The following IPO8 variants were observed in gnomAD, a reference collection of about 807,000 sequenced individuals.
IPO8 encodes importin 8.
IPO8 carries 65 observed loss-of-function variants against 141.2 expected under a neutral mutation model. The ratio of observed to expected loss-of-function variants is 0.46; its 90% CI spans 0.38 to 0.57. The LOEUF is 0.57. Among genes scored for constraint, IPO8 ranks in the 20% least tolerant of loss-of-function variants. The pLI, the probability that IPO8 is intolerant of heterozygous loss-of-function variation, is 0.00. For missense variants in IPO8, 980 were observed against 1,246.8 expected (o/e 0.79, Z 3.22); for synonymous variants, 411 against 420.3 (o/e 0.98, Z 0.27).
chr12:30,643,730 G>A (rs1191409757), intron 20 of IPO8, among the ~76,000 whole-genome samples: 1 of 152,200 alleles, frequency 6.6e-6, no homozygotes, highest in Admixed American at 6.5e-5. Flanking sequence ...GACACCCCTG[G>A]GTTTTGCCCC....
chr12:30,642,963 A>C (rs1435934971), intron 20 of IPO8, among the ~76,000 whole-genome samples: 1 of 152,224 alleles, frequency 6.6e-6, no homozygotes, highest in African/African-American at 2.4e-5. Context: ...AGGATACTAA[A>C]AATTTTTAAA....
chr12:30,659,989 G>C (rs544515775), intron 16 of IPO8, among the ~76,000 whole-genome samples: 1 of 152,274 alleles, frequency 6.6e-6, no homozygotes, highest in African/African-American at 2.4e-5. Flanking sequence ...TTGGGAGGCT[G>C]AAGCGGGTGG....
chr12:30,652,074 T>C, intron 19 of IPO8, 118 bp downstream of exon 19: 1 of 550,986 alleles, frequency 1.8e-6, no homozygotes, highest in Non-Finnish European at 3.2e-6. Flanking sequence ...AAAAAATATA[T>C]GTTGATGAAG....
chr12:30,665,286 C>T lies in IPO8; in HGVS notation c.1362G>A (p.Met454Ile). The change falls in exon 13 of 25, where the codon ATG becomes ATA. Residue 454 changes from methionine to isoleucine, a missense_variant. Coordinates refer to ENST00000256079, the MANE Select transcript of IPO8 (RefSeq NM_006390.4). ...ATACATGATTTTGTAGAAACAGCTC[C>T]ATTTGGTCCTTGAATAAACTCTTCT... ...LLKKSLFKDQMELFLQNHVFP... is the reference protein window; with the variant it reads ...LLKKSLFKDQIELFLQNHVFP... 1 of 1,594,642 alleles carries T rather than the reference C, an allele frequency of 6.3e-7. No individual in the cohort carries two copies. Among genetic ancestry groups the T allele is most frequent in the Non-Finnish European group, 8.6e-7 (1 of 1,165,936 alleles).
intron 19 of IPO8, among the ~76,000 whole-genome samples, chr12:30,651,566 T>C (rs1354786813): frequency 6.6e-6 from 1 of 151,504 alleles, no homozygotes; most frequent in Non-Finnish European, 1.5e-5. Flanking sequence ...CATATTTATG[T>C]GTGTGTGTGT....
In IPO8 at chr12:30,637,202, G is replaced by GAA. The variant is rs545861188; in HGVS notation, c.2490-17_2490-16dup. 10 of 1,463,716 alleles carry GAA rather than the reference G, an allele frequency of 6.8e-6. No individual in the cohort carries two copies. Among genetic ancestry groups the GAA allele is most frequent in the Admixed American group, 2.0e-5 (1 of 49,124 alleles). 90.7% of individuals were successfully genotyped at this position (1,463,716 alleles called of 1,614,324 possible). A position where few individuals can be genotyped will look rare whatever the true frequency, so the allele number is the denominator to read the frequency against. On this transcript the variant is annotated splice_polypyrimidine_tract_variant and intron_variant, in intron 21 of 24. Transcript: ENST00000256079. ...GGTCATGATGCCTGCAAATTTTGAA[G>GAA]AAAAAAAAAATGTAGACATGAGAAG...
intron 1 of IPO8, among the ~76,000 whole-genome samples, chr12:30,692,827 T>C (rs1337331449): frequency 1.3e-5 from 2 of 152,138 alleles, no homozygotes; most frequent in Admixed American, 1.3e-4. Context: ...TCCAACTCTC[T>C]ACTCAATGCC....
In IPO8 at chr12:30,639,683, T is replaced by C; in HGVS notation, c.2321A>G (p.Lys774Arg). The C allele has an allele frequency of 6.2e-7, 1 of 1,614,132 alleles. No homozygotes were observed. Among genetic ancestry groups the C allele is most frequent in the South Asian group, 1.1e-5 (1 of 91,082 alleles). ...ACACATAGTACGAAGCTCACTAGTT[T>C]TGACCCCTCGAGTTAATCTCTCCAA... ...LVLERLTRGV[K>R]TSELRTMCLQ... The change falls in exon 21 of 25, where the codon AAA (lysine) becomes AGA (arginine). Residue 774 changes from lysine (K) to arginine (R), a missense_variant. This residue lies in a region of IPO8 where 924 missense variants were observed against 1,153.9 expected (regional missense o/e 0.80). Transcript: ENST00000256079.
At chr12:30,672,147 GT>G (rs1171441119) in intron 8 of IPO8, among the ~76,000 whole-genome samples, 2 of 152,128 alleles carry the variant, frequency 1.3e-5, no homozygotes, top group African/African-American at 4.8e-5. Context: ...CTTCACTACA[GT>G]AAGTTGCCTT....
chr12:30,672,046 AT>A (rs983670896), intron 8 of IPO8, among the ~76,000 whole-genome samples: 3 of 152,072 alleles, frequency 2.0e-5, no homozygotes, highest in African/African-American at 7.2e-5. Flanking sequence ...TTAAAAACTG[AT>A]TTTTTAAAAA....
chr12:30,660,613 A>G (rs1156407911), intron 16 of IPO8, among the ~76,000 whole-genome samples: 2 of 152,240 alleles, frequency 1.3e-5, no homozygotes, highest in African/African-American at 4.8e-5. Flanking sequence ...CTAGATAAAT[A>G]GCTGTATAAA....
At chr12:30,651,912 A>G (rs2052732190) in intron 19 of IPO8, among the ~76,000 whole-genome samples, 1 of 152,162 alleles carries the variant, frequency 6.6e-6, no homozygotes, top group South Asian at 2.1e-4. Flanking sequence ...ACGTGTGGTT[A>G]ATTTTCCTAG....
intron 16 of IPO8, among the ~76,000 whole-genome samples, chr12:30,659,630 T>C (rs1457342712): frequency 6.6e-6 from 1 of 151,298 alleles, no homozygotes; most frequent in Non-Finnish European, 1.5e-5. Context: ...GGTGGGCGGA[T>C]CACGAGGTCA....
intron 3 of IPO8, among the ~76,000 whole-genome samples, chr12:30,683,780 C>T (rs1304269458): frequency 6.6e-6 from 1 of 152,212 alleles, no homozygotes; most frequent in African/African-American, 2.4e-5. Flanking sequence ...TACTGCTCTA[C>T]AGCATCTAAT....
Position 30,684,229 on chromosome 12 carries a change from T to A in IPO8, c.323+72A>T, listed in dbSNP as rs2053217082. 5 of 1,394,846 alleles carry A rather than the reference T, an allele frequency of 3.6e-6. No homozygotes were observed. In the South Asian group the frequency reaches 6.6e-5, roughly 18 times the overall value. 86.4% of individuals were successfully genotyped at this position (1,394,846 alleles called of 1,614,324 possible). A position where few individuals can be genotyped will look rare whatever the true frequency, so the allele number is the denominator to read the frequency against. ...ATGAAACATGAGGCCAAGGATTAGA[T>A]CCAACAGCACCCACCCTCAGATCTA... On this transcript the variant is annotated intron_variant, in intron 3 of 24. Coordinates refer to ENST00000256079, the MANE Select transcript of IPO8 (RefSeq NM_006390.4).
intron 2 of IPO8, among the ~76,000 whole-genome samples, chr12:30,689,167 G>A (rs1417851380): frequency 6.6e-6 from 1 of 152,034 alleles, no homozygotes; most frequent in African/African-American, 2.4e-5. Context: ...CAAAGCTGAT[G>A]GCAGTCATCT....
At chr12:30,680,662 G>C (rs375953413) in intron 4 of IPO8, 24 bp from the exon 5 acceptor site, 1 of 1,570,922 alleles carries the variant, frequency 6.4e-7, no homozygotes, top group African/African-American at 1.4e-5. Context: ...GACAAAAACA[G>C]AAAAGTAATT....
At chr12:30,644,161 A>C (rs2052609535) in intron 20 of IPO8, among the ~76,000 whole-genome samples, 1 of 152,110 alleles carries the variant, frequency 6.6e-6, no homozygotes, top group Admixed American at 6.5e-5. Flanking sequence ...TGAAGCCAGG[A>C]GTTAGAGAGC....
chr12:30,632,105 C>T (rs2052441059), intron 23 of IPO8, 94 bp from the exon 24 acceptor site: 2 of 788,870 alleles, frequency 2.5e-6, no homozygotes, highest in Admixed American at 2.2e-5. Context: ...GAAATTATCC[C>T]AGACAGTAAG....
Sources: gnomAD v4.1 joint callset for allele counts (sites outside exome capture counted in the v4.1 genomes callset) on GRCh38, gnomAD v4.1.1 for gene constraint, gnomAD v4.1.1 regional missense constraint, MANE v1.5 for transcripts, NCBI Gene and HGNC (gene_info 2026-07-23, HGNC 2026-07-21) for gene names.